The following PTPRD variants were observed in gnomAD, a reference collection of about 807,000 sequenced individuals.
The protein encoded by PTPRD is protein tyrosine phosphatase receptor type D.
Under a neutral mutation model 214.5 loss-of-function variants are expected in PTPRD, and 34 were observed. The ratio of observed to expected loss-of-function variants is 0.16; its 90% CI spans 0.12 to 0.21. The LOEUF (loss-of-function observed/expected upper bound fraction) is 0.21, where lower values mean the gene tolerates loss of function less well. Ranked by LOEUF, PTPRD falls within the 10% of genes least tolerant of loss-of-function variation. PTPRD has a pLI of 1.00. For synonymous variants in PTPRD, 1,128 were observed against 845.7 expected, an observed-to-expected ratio of 1.33 and a Z score of -5.79; for missense variants, 2,545 against 2,398.7, an observed-to-expected ratio of 1.06 and a Z score of -1.27.
chr9:8,627,746 G>A (rs949470613), intron 14 of PTPRD, among the ~76,000 whole-genome samples: 1 of 151,766 alleles, frequency 6.6e-6, no homozygotes, highest in Non-Finnish European at 1.5e-5. Flanking sequence ...CAGATTTTCA[G>A]TTTTAATGTC....
chr9:9,843,035 T>G (rs1322712961), intron 5 of PTPRD, among the ~76,000 whole-genome samples: 1 of 152,144 alleles, frequency 6.6e-6, no homozygotes, highest in Non-Finnish European at 1.5e-5. Context: ...ATCTAACACT[T>G]GTGTTCATAA....
At chr9:8,946,342 G>A (rs957693528) in intron 11 of PTPRD, among the ~76,000 whole-genome samples, 3 of 152,080 alleles carry the variant, frequency 2.0e-5, no homozygotes, top group African/African-American at 7.2e-5. Context: ...CCACCCCAAG[G>A]AGGCAGCAGT....
intron 9 of PTPRD, among the ~76,000 whole-genome samples, chr9:9,370,791 T>C (rs1373214844): frequency 6.6e-6 from 1 of 152,184 alleles, no homozygotes; most frequent in Non-Finnish European, 1.5e-5. Flanking sequence ...GTCCCATCAA[T>C]ACCTAATTTA....
At chr9:10,198,503 T>A (rs993095469) in intron 3 of PTPRD, among the ~76,000 whole-genome samples, 1 of 152,114 alleles carries the variant, frequency 6.6e-6, no homozygotes, top group Non-Finnish European at 1.5e-5. Context: ...AAAAAAAGAT[T>A]CACAGGACAT....
At position 8,521,406 on chromosome 9, in the gene PTPRD, G is replaced by A. The variant is rs771275626; in HGVS notation, c.832C>T (p.Pro278Ser). Residue 278 changes from proline to serine, a missense_variant, in exon 20 of 46, where the codon CCT becomes TCT. Physicochemically the swap from Pro to Ser is moderately conservative, Grantham distance 74. Transcript: ENST00000381196. ...CTTCCTATTGGCATATCATCTTCAG[G>A]TGTCAGATCTTCTGCCCCCAACATC... ...KWMLGAEDLT[P>S]EDDMPIGRNV... is the part of the protein sequence containing the mutation. 1.2e-6 allele frequency: 2 copies of A among 1,613,900 alleles called. No homozygotes were observed. The highest frequency in any genetic ancestry group is 3.3e-5 in the Admixed American group (2 of 59,990).
intron 3 of PTPRD, among the ~76,000 whole-genome samples, chr9:10,169,373 C>T (rs572450481): frequency 4.5e-4 from 67 of 148,696 alleles, no homozygotes; most frequent in African/African-American, 1.4e-3. Flanking sequence ...ACCTGGGAGG[C>T]TGAGGCAGGA....
chr9:9,902,832 T>C (rs943961804), intron 5 of PTPRD, among the ~76,000 whole-genome samples: 3 of 152,160 alleles, frequency 2.0e-5, no homozygotes, highest in Non-Finnish European at 2.9e-5. Flanking sequence ...CACTGTAGTA[T>C]GAATTGCGTT....
intron 5 of PTPRD, among the ~76,000 whole-genome samples, chr9:9,928,183 A>G (rs192865632): frequency 1.3e-5 from 2 of 152,294 alleles, no homozygotes; most frequent in South Asian, 2.1e-4. Context: ...TTGTTGCTGC[A>G]TGATGTTAGC....
chr9:10,065,216 G>T (rs377577149), intron 3 of PTPRD, among the ~76,000 whole-genome samples: 1 of 114,352 alleles, frequency 8.7e-6, no homozygotes, highest in South Asian at 2.6e-4. Flanking sequence ...CAGAGGTCCA[G>T]AAACTTATCA....
chr9:8,841,568 G>C (rs914210681), intron 11 of PTPRD, among the ~76,000 whole-genome samples: 4 of 152,080 alleles, frequency 2.6e-5, no homozygotes, highest in African/African-American at 9.7e-5. Flanking sequence ...GAGATCTTTT[G>C]TTAAAGCTAT....
At chr9:10,524,115 T>C (rs557858702) in intron 2 of PTPRD, among the ~76,000 whole-genome samples, 2 of 152,110 alleles carry the variant, frequency 1.3e-5, no homozygotes, top group South Asian at 4.2e-4. Flanking sequence ...TCTCTCTTTC[T>C]TCCTCTTCTA....
At chr9:10,077,345 T>C (rs1480537521) in intron 3 of PTPRD, among the ~76,000 whole-genome samples, 1 of 152,194 alleles carries the variant, frequency 6.6e-6, no homozygotes, top group East Asian at 1.9e-4. Flanking sequence ...TCTAGCTTCC[T>C]AACTTGTGGT....
intron 10 of PTPRD, among the ~76,000 whole-genome samples, chr9:9,046,031 G>C (rs2099671303): frequency 6.6e-6 from 1 of 152,080 alleles, no homozygotes; most frequent in South Asian, 2.1e-4. Flanking sequence ...TAAACTCCAA[G>C]CTGAAAAATA....
At chr9:9,107,237 C>G (rs1037607137) in intron 10 of PTPRD, among the ~76,000 whole-genome samples, 5 of 151,980 alleles carry the variant, frequency 3.3e-5, no homozygotes, top group African/African-American at 9.7e-5. Flanking sequence ...CTAGTATACA[C>G]CCATTGATTC....
chr9:10,581,534 A>G lies in PTPRD; in HGVS notation c.-600+30864T>C, dbSNP rs561060852. The stretch of plus-strand genomic sequence containing the variant: ...GGTAATATTCAAAGAGTGATGAGAC[A>G]GAAGTATTCATAATTTCTGCTAATT... On this transcript the variant is annotated intron_variant, in intron 2 of 45. Coordinates refer to ENST00000381196, the MANE Select transcript of PTPRD (RefSeq NM_002839.4). Among the ~76,000 whole-genome samples the G allele has an allele frequency of 2.0e-5, 3 of 152,320 alleles. No homozygotes were observed. The South Asian group carries it at 6.2e-4, about 32-fold the overall frequency.
At chr9:10,377,075 G>C (rs903905267) in intron 2 of PTPRD, among the ~76,000 whole-genome samples, 3 of 151,566 alleles carry the variant, frequency 2.0e-5, no homozygotes, top group Non-Finnish European at 2.9e-5. Flanking sequence ...CCAGCCGCTG[G>C]TAACCATCCT....
intron 3 of PTPRD, among the ~76,000 whole-genome samples, chr9:10,262,816 G>A (rs2093784788): frequency 6.6e-6 from 1 of 152,184 alleles, no homozygotes; most frequent in African/African-American, 2.4e-5. Context: ...GCACACTGAT[G>A]CTTGATGTGT....
At chr9:10,140,365 GAA>G (rs963724530) in intron 3 of PTPRD, among the ~76,000 whole-genome samples, 1 of 151,040 alleles carries the variant, frequency 6.6e-6, no homozygotes, top group African/African-American at 2.4e-5. Flanking sequence ...GACTAATAAA[GAA>G]AAAAAGAGAG....
intron 2 of PTPRD, among the ~76,000 whole-genome samples, chr9:10,484,964 G>A (rs1589225243): frequency 6.6e-6 from 1 of 151,654 alleles, no homozygotes; most frequent in East Asian, 1.9e-4. Context: ...TTTCTCTAAT[G>A]TTTTCTTGTA....
Sources: allele counts gnomAD v4.1 joint callset (sites outside exome capture counted in the v4.1 genomes callset), GRCh38; gene constraint gnomAD v4.1.1; transcripts MANE v1.5; gene names NCBI Gene and HGNC (gene_info 2026-07-23, HGNC 2026-07-21).